Variants in BTF3 observed in about 807,000 individuals in gnomAD.
The protein encoded by BTF3 is transcription factor BTF3.
BTF3 carries 12 observed loss-of-function variants against 23.9 expected under a neutral mutation model. The observed-to-expected ratio is 0.50, with a 90% confidence interval of 0.32 to 0.81. BTF3 has a LOEUF of 0.81. Among genes scored for constraint, BTF3 ranks in the 40% least tolerant of loss-of-function variants. The probability of loss-of-function intolerance (pLI) is 0.03; values close to 1 mark genes in which losing one functional copy is unlikely to be tolerated. For synonymous variants in BTF3, 96 were observed against 94.8 expected, an observed-to-expected ratio of 1.01 and a Z score of -0.07; for missense variants, 215 against 255.9, an observed-to-expected ratio of 0.84 and a Z score of 1.09.
At chr5:73,500,603 GA>G (rs1453961072) in intron 2 of BTF3, among the ~76,000 whole-genome samples, 2 of 152,190 alleles carry the variant, frequency 1.3e-5, no homozygotes, top group Admixed American at 6.5e-5. Flanking sequence ...CACTGTTTAA[GA>G]AACGTACTTA....
In BTF3 at chr5:73,498,464, C is replaced by A. The variant is rs749015554; in HGVS notation, c.-204C>A. The stretch of plus-strand genomic sequence containing the variant: ...CCTCCCTTTAGCTGCCATCTTGCGT[C>A]CCCGCGTGTGTGCGCCTAATCTCAG... On this transcript the variant is annotated 5_prime_UTR_variant, in exon 1 of 6. Transcript: ENST00000380591. 130 of 609,848 alleles carry A rather than the reference C, an allele frequency of 2.1e-4. No individual in the cohort carries two copies. The highest frequency in any genetic ancestry group is 2.9e-4 in the Non-Finnish European group (113 of 396,380). 37.8% of individuals were successfully genotyped at this position (609,848 alleles called of 1,614,324 possible).
chr5:73,499,328 G>C (rs1184924258), intron 2 of BTF3, 126 bp downstream of exon 2: 1 of 1,039,988 alleles, frequency 9.6e-7, no homozygotes, highest in Non-Finnish European at 1.4e-6. Context: ...AATTCACGGA[G>C]CTAGCAAATC....
chr5:73,501,448 G>T (rs1443259445), intron 2 of BTF3, among the ~76,000 whole-genome samples: 1 of 152,190 alleles, frequency 6.6e-6, no homozygotes, highest in African/African-American at 2.4e-5. Context: ...GTTATGAAGA[G>T]AAATAAACCA....
chr5:73,501,385 T>G (rs1746432337), intron 2 of BTF3, among the ~76,000 whole-genome samples: 1 of 152,190 alleles, frequency 6.6e-6, no homozygotes, highest in African/African-American at 2.4e-5. Flanking sequence ...GAGCTTACAT[T>G]CTAGGGAGAG....
At chr5:73,498,859 G>C in intron 1 of BTF3, 60 bp downstream of exon 1, 4 of 1,492,796 alleles carry the variant, frequency 2.7e-6, no homozygotes, top group Non-Finnish European at 3.5e-6. Context: ...GCCGAGGCCA[G>C]GCCAGGGCCA....
At chr5:73,501,009 C>G (rs3797855) in intron 2 of BTF3, among the ~76,000 whole-genome samples, 31,641 of 151,278 alleles carry the variant, frequency 0.21, 6,083 homozygotes, top group East Asian at 0.53. Flanking sequence ...ATGTTGGATC[C>G]TGAGAATATA....
chr5:73,503,027 C>G lies in BTF3; in HGVS notation c.427C>G (p.Leu143Val). The change falls in exon 4 of 6, where the codon CTG becomes GTG. Residue 143 changes from leucine (L) to valine (V), a missense_variant. Transcript: ENST00000380591. ...TITGHAETKQLTEMLPSILNQ... is the reference protein window; with the variant it reads ...TITGHAETKQVTEMLPSILNQ... ...TACAGGCCATGCTGAGACAAAGCAG[C>G]TGACAGAAATGCTACCCAGCATCTT... 1 of 1,613,992 alleles carries G rather than the reference C, an allele frequency of 6.2e-7. No individual in the cohort carries two copies. Among genetic ancestry groups the G allele is most frequent in the Non-Finnish European group, 8.5e-7 (1 of 1,179,932 alleles).
At chr5:73,499,428 G>A (rs1321778327) in intron 2 of BTF3, 1 of 630,886 alleles carries the variant, frequency 1.6e-6, no homozygotes, top group Non-Finnish European at 2.8e-6. Flanking sequence ...TGTTTTCAGT[G>A]TTACAGAGTG....
intron 5 of BTF3, 75 bp from the exon 6 acceptor site, chr5:73,505,117 C>T (rs1481073479): frequency 1.0e-5 from 12 of 1,171,256 alleles, no homozygotes; most frequent in Non-Finnish European, 1.5e-5. Flanking sequence ...GTCTTTCCTT[C>T]ATCCCCTTTT....
chr5:73,502,588 C>G lies in BTF3; in HGVS notation c.302C>G (p.Ser101Cys), dbSNP rs1215511257. ...AAGAAGTTAGGGGTAAACAATATCT[C>G]TGGTATTGAAGAGGCAAGTATCAAA... ...SLKKLGVNNI[S>C]GIEEVNMFTN... The change falls in exon 3 of 6, where the codon TCT becomes TGT. Residue 101 changes from serine (S) to cysteine (C), a missense_variant. Coordinates refer to ENST00000380591, the MANE Select transcript of BTF3 (RefSeq NM_001037637.2). 2.5e-6 allele frequency: 4 copies of G among 1,596,072 alleles called. No individual in the cohort carries two copies. The highest frequency in any genetic ancestry group is 3.4e-6 in the Non-Finnish European group (4 of 1,174,816).
intron 2 of BTF3, 136 bp downstream of exon 2, chr5:73,499,338 C>T: frequency 1.3e-6 from 1 of 748,434 alleles, no homozygotes; most frequent in Non-Finnish European, 1.9e-6. Context: ...GCTAGCAAAT[C>T]TCGAGGAGCG....
chr5:73,498,505 C>G lies in BTF3; in HGVS notation c.-163C>G, dbSNP rs574217393. ...CTAATCTCAGGTGGTCCACCCGAGACCCCTTGAGCACCAACCCTAGTCCCC... is the reference window on the plus strand; with the variant it reads ...CTAATCTCAGGTGGTCCACCCGAGAGCCCTTGAGCACCAACCCTAGTCCCC... On this transcript the variant is annotated 5_prime_UTR_variant, in exon 1 of 6. Transcript: ENST00000380591. The G allele has an allele frequency of 9.6e-7, 1 of 1,046,958 alleles. No individual in the cohort carries two copies. The highest frequency in any genetic ancestry group is 1.3e-6 in the Non-Finnish European group (1 of 782,976). The allele number at this position is 1,046,958 out of a possible 1,614,324, so 64.9% of individuals were successfully genotyped here.
At position 73,498,446 on chromosome 5, in the gene BTF3, T is replaced by G. The variant is rs895408873; in HGVS notation, c.-222T>G. 5.7e-6 allele frequency: 3 copies of G among 528,306 alleles called. No individual in the cohort carries two copies. The highest frequency in any genetic ancestry group is 9.2e-6 in the Non-Finnish European group (3 of 325,422). 32.7% of individuals were successfully genotyped at this position (528,306 alleles called of 1,614,324 possible). On this transcript the variant is annotated 5_prime_UTR_variant, in exon 1 of 6. Coordinates refer to ENST00000380591, the MANE Select transcript of BTF3 (RefSeq NM_001037637.2). Reference sequence around the variant, plus strand: ...GCCTTGTGTCACTTCCGGCCTCCCTTTAGCTGCCATCTTGCGTCCCCGCGT... The same window carrying G: ...GCCTTGTGTCACTTCCGGCCTCCCTGTAGCTGCCATCTTGCGTCCCCGCGT...
At chr5:73,499,259 A>G (rs758908483) in intron 2 of BTF3, 57 bp downstream of exon 2, 6 of 1,555,052 alleles carry the variant, frequency 3.9e-6, no homozygotes, top group East Asian at 2.2e-5. Flanking sequence ...GGTATTTTAA[A>G]AAACATATTC....
Position 73,498,643 on chromosome 5 carries a change from C to G in BTF3, c.-25C>G, listed in dbSNP as rs924035735. 1 of 1,480,002 alleles carries G rather than the reference C, an allele frequency of 6.8e-7. No individual in the cohort carries two copies. The highest frequency in any genetic ancestry group is 8.9e-7 in the Non-Finnish European group (1 of 1,125,012). 91.7% of individuals were successfully genotyped at this position (1,480,002 alleles called of 1,614,324 possible). A position where few individuals can be genotyped will look rare whatever the true frequency, so the allele number is the denominator to read the frequency against. On this transcript the variant is annotated 5_prime_UTR_variant, in exon 1 of 6. Coordinates refer to ENST00000380591, the MANE Select transcript of BTF3 (RefSeq NM_001037637.2). ...CCTGAAGGAGCGAGACAGGGAGGGACAGGGCAGAGGAGGAGAGGAAGGCGA... is the reference window on the plus strand; with the variant it reads ...CCTGAAGGAGCGAGACAGGGAGGGAGAGGGCAGAGGAGGAGAGGAAGGCGA...
Position 73,505,455 on chromosome 5 carries a change from T to A in BTF3, c.*217T>A. The A allele has an allele frequency of 2.2e-6, 1 of 458,336 alleles. No individual in the cohort carries two copies. 28.4% of individuals were successfully genotyped at this position (458,336 alleles called of 1,614,324 possible). ...TAATTAAGCCGAAGAAGCCTGGGAATCAAGTTTGAAACAAAGATTAATAAA... is the reference window on the plus strand; with the variant it reads ...TAATTAAGCCGAAGAAGCCTGGGAAACAAGTTTGAAACAAAGATTAATAAA... On this transcript the variant is annotated 3_prime_UTR_variant, in exon 6 of 6. Transcript: ENST00000380591.
At position 73,498,758 on chromosome 5, in the gene BTF3, C is replaced by T. The variant is rs1746344602; in HGVS notation, c.91C>T (p.Gln31Ter). ...GCPGGEATLSQPPPRGGTRGQ... is the reference protein window; with the variant it reads ...GCPGGEATLS ...CCCTGGGGGCGAGGCGACGCTGTCT[C>T]AACCTCCACCTCGCGGCGGAACCCG... Residue 31 changes from glutamine to a stop codon, truncating the protein, a stop_gained, in exon 1 of 6, where the codon CAA becomes TAA. Coordinates refer to ENST00000380591, the MANE Select transcript of BTF3 (RefSeq NM_001037637.2). LOFTEE classifies it high-confidence loss of function. 2.7e-6 allele frequency: 4 copies of T among 1,501,314 alleles called. No individual in the cohort carries two copies. The highest frequency in any genetic ancestry group is 2.6e-6 in the Non-Finnish European group (3 of 1,135,336). 93.0% of individuals were successfully genotyped at this position (1,501,314 alleles called of 1,614,324 possible).
rs758924385 is a variant in BTF3 at position 73,498,696 on chromosome 5, C to A, written c.29C>A (p.Ala10Asp). 5.3e-6 allele frequency: 8 copies of A among 1,500,478 alleles called. No individual in the cohort carries two copies. Among genetic ancestry groups the A allele is most frequent in the Non-Finnish European group, 5.3e-6 (6 of 1,132,966 alleles). The allele number at this position is 1,500,478 out of a possible 1,614,324, so 92.9% of individuals were successfully genotyped here. A position where few individuals can be genotyped will look rare whatever the true frequency, so the allele number is the denominator to read the frequency against. ...CGACGGACAGGCGCACCCGCTCAGG[C>A]TGACTCTCGGGGGCGAGGTCGAGCC... MRRTGAPAQ[A>D]DSRGRGRARG... is the part of the protein sequence containing the mutation. Residue 10 changes from alanine (A) to aspartate (D), a missense_variant, in exon 1 of 6, where the codon GCT becomes GAT. Ala to Asp is a moderately radical substitution (Grantham distance 126). This residue lies in a region of BTF3 where 116 missense variants were observed against 84.7 expected (regional missense o/e 1.37). Coordinates refer to ENST00000380591, the MANE Select transcript of BTF3 (RefSeq NM_001037637.2).
intron 3 of BTF3, 47 bp downstream of exon 3, chr5:73,502,648 A>G (rs759743377): frequency 5.6e-6 from 8 of 1,435,468 alleles, no homozygotes; most frequent in South Asian, 5.2e-5. Context: ...TTGGCTGGGA[A>G]AAGTTAACGT....
Sources: gnomAD v4.1 joint callset for allele counts (sites outside exome capture counted in the v4.1 genomes callset) on GRCh38, gnomAD v4.1.1 for gene constraint, gnomAD v4.1.1 regional missense constraint, MANE v1.5 for transcripts, NCBI Gene and HGNC (gene_info 2026-07-23, HGNC 2026-07-21) for gene names.